CDRT4: variants seen among roughly 807,000 people sequenced by gnomAD.
CDRT4 encodes the protein CMT1A duplicated region transcript 4.
For synonymous variants in CDRT4, 64 were observed against 69.6 expected, an observed-to-expected ratio of 0.92 and a Z score of 0.40; for missense variants, 167 against 193.1, an observed-to-expected ratio of 0.87 and a Z score of 0.80.
rs1385482392 is a variant in CDRT4 at position 15,436,665 on chromosome 17, T to A, written c.*1108A>T. 2 of 152,040 alleles carry A rather than the reference T, an allele frequency of 1.3e-5. No individual in the cohort carries two copies. The highest frequency in any genetic ancestry group is 2.9e-5 in the Non-Finnish European group (2 of 68,006). 9.4% of individuals were successfully genotyped at this position (152,040 alleles called of 1,614,324 possible). On this transcript the variant is annotated 3_prime_UTR_variant, in exon 4 of 4. Coordinates refer to ENST00000619038, the MANE Select transcript of CDRT4 (RefSeq NM_001204477.2). ...TTCCACAAGGCAAACCCCAGAGAAGTACAGGGGAAAAGAGCTCTCCATTTC... is the reference window on the plus strand; with the variant it reads ...TTCCACAAGGCAAACCCCAGAGAAGAACAGGGGAAAAGAGCTCTCCATTTC...
intron 2 of CDRT4, among the ~76,000 whole-genome samples, chr17:15,451,359 T>C (rs1979253931): frequency 6.6e-6 from 1 of 152,238 alleles, no homozygotes. Flanking sequence ...CGGGTATTTC[T>C]TCATAGCAGT....
chr17:15,464,312 C>A lies in CDRT4; in HGVS notation c.-130+3148G>T, dbSNP rs143230465. Among the ~76,000 whole-genome samples, 719 of 152,224 alleles carry A rather than the reference C, an allele frequency of 4.7e-3. 10 individuals carry two copies. Among genetic ancestry groups the A allele is most frequent in the African/African-American group, 0.016 (673 of 41,526 alleles). ...TCCATACTCCAAATAGACCTTGAGC[C>A]CGTCAAAGGCAGAGACCAGCACCTG... On this transcript the variant is annotated intron_variant, in intron 1 of 3. Coordinates refer to ENST00000619038, the MANE Select transcript of CDRT4 (RefSeq NM_001204477.2). The surrounding 1 kb of genome is among the most constrained non-coding windows in gnomAD (Gnocchi z 4.5).
chr17:15,460,749 C>T (rs1359886080), intron 1 of CDRT4, among the ~76,000 whole-genome samples: 2 of 152,158 alleles, frequency 1.3e-5, no homozygotes, highest in Admixed American at 6.5e-5. Context: ...CCAGTACACA[C>T]CACTCCCCAA....
chr17:15,442,134 G>A (rs1978789765), intron 2 of CDRT4, among the ~76,000 whole-genome samples: 3 of 152,116 alleles, frequency 2.0e-5, no homozygotes, highest in Non-Finnish European at 4.4e-5. Flanking sequence ...TTCTTGGCTG[G>A]GCGCGGTAGC....
intron 2 of CDRT4, among the ~76,000 whole-genome samples, chr17:15,442,515 A>C (rs935228794): frequency 1.3e-5 from 2 of 152,000 alleles, no homozygotes; most frequent in African/African-American, 2.4e-5. Flanking sequence ...ATTTGGAGGG[A>C]TTGGGAGTCA....
intron 1 of CDRT4, among the ~76,000 whole-genome samples, chr17:15,462,427 C>CAAAA (rs55662712): frequency 1.0e-4 from 6 of 59,876 alleles, no homozygotes; most frequent in Admixed American, 2.3e-4. Flanking sequence ...GACTCCATCT[C>CAAAA]AAAAAAAAAA....
intron 1 of CDRT4, among the ~76,000 whole-genome samples, chr17:15,454,006 G>A (rs533296670): frequency 6.6e-6 from 1 of 152,304 alleles, no homozygotes. Flanking sequence ...GGATGGCAAT[G>A]TCTGCTGCAA....
intron 2 of CDRT4, chr17:15,443,789 C>T: frequency 1.9e-6 from 1 of 528,252 alleles, no homozygotes; most frequent in Non-Finnish European, 3.7e-6. Context: ...ACAAAAAAGG[C>T]TCCGGGTTGA....
chr17:15,448,503 G>A (rs1979125706), intron 2 of CDRT4, among the ~76,000 whole-genome samples: 1 of 152,164 alleles, frequency 6.6e-6, no homozygotes, highest in East Asian at 1.9e-4. Flanking sequence ...GAAAAGCTGA[G>A]GGTAAGAAGC....
intron 2 of CDRT4, chr17:15,443,635 G>A (rs1231185871): frequency 1.5e-5 from 5 of 338,562 alleles, no homozygotes; most frequent in Non-Finnish European, 2.2e-5. Flanking sequence ...TGTCTGCTGC[G>A]AGAATGAAGA....
At chr17:15,445,234 TA>T (rs1409287927) in intron 2 of CDRT4, among the ~76,000 whole-genome samples, 1 of 152,188 alleles carries the variant, frequency 6.6e-6, no homozygotes, top group Non-Finnish European at 1.5e-5. Flanking sequence ...CTCAAGATGT[TA>T]ATAGGTATTA....
chr17:15,448,981 C>T (rs1303452614), intron 2 of CDRT4, among the ~76,000 whole-genome samples: 2 of 152,230 alleles, frequency 1.3e-5, no homozygotes, highest in Non-Finnish European at 2.9e-5. Flanking sequence ...ACCACCCGTG[C>T]CTCTGTGATC....
chr17:15,454,862 C>A (rs989951564), intron 1 of CDRT4, among the ~76,000 whole-genome samples: 3 of 152,146 alleles, frequency 2.0e-5, no homozygotes, highest in African/African-American at 4.8e-5. Flanking sequence ...TGGGAAACAT[C>A]CTGCCCCATA....
In CDRT4 at chr17:15,438,173, CG is replaced by C. The variant is rs1486643545; in HGVS notation, c.58del (p.Arg20GlyfsTer21). On this transcript the variant is annotated frameshift_variant, in exon 4 of 4. Transcript: ENST00000619038. LOFTEE classifies it low-confidence loss of function (END_TRUNC). The stretch of plus-strand genomic sequence containing the variant: ...GGGGTCATGTTTTTCAAGTAGCTTC[CG>C]GGGAAGTCCAGTGTTTTCTGTGAGT... Reference protein sequence around the residue: ...EGLTENTGLPRKLLEKHDPWP... With the variant: ...EGLTENTGLPXKLLEKHDPWP... 6.8e-6 allele frequency: 11 copies of C among 1,613,858 alleles called. No individual in the cohort carries two copies. The highest frequency in any genetic ancestry group is 9.3e-6 in the Non-Finnish European group (11 of 1,179,894).
chr17:15,439,099 G>A (rs771752985), intron 3 of CDRT4: 45 of 455,848 alleles, frequency 9.9e-5, no homozygotes, highest in East Asian at 1.4e-4. Context: ...CATTAGCAAC[G>A]TCACTCTATT....
chr17:15,454,251 T>C (rs1268758010), intron 1 of CDRT4, among the ~76,000 whole-genome samples: 1 of 152,162 alleles, frequency 6.6e-6, no homozygotes, highest in Non-Finnish European at 1.5e-5. Flanking sequence ...TTATACCATC[T>C]GCTCACCAAA....
At chr17:15,465,468 G>A (rs1408684974) in intron 1 of CDRT4, among the ~76,000 whole-genome samples, 2 of 137,888 alleles carry the variant, frequency 1.5e-5, no homozygotes, top group Non-Finnish European at 3.1e-5. Flanking sequence ...CACACATAAC[G>A]GAGATACACA....
chr17:15,457,549 C>A (rs191462400), intron 1 of CDRT4, among the ~76,000 whole-genome samples: 1 of 152,198 alleles, frequency 6.6e-6, no homozygotes, highest in Non-Finnish European at 1.5e-5. Context: ...TGCCAACTGC[C>A]GTAAACCTGT....
intron 2 of CDRT4, among the ~76,000 whole-genome samples, chr17:15,451,102 G>A (rs1438836389): frequency 6.6e-6 from 1 of 152,152 alleles, no homozygotes; most frequent in Non-Finnish European, 1.5e-5. Flanking sequence ...GTTGTGGGAG[G>A]GACCTGGTGG....
Sources: allele counts gnomAD v4.1 joint callset (sites outside exome capture counted in the v4.1 genomes callset), GRCh38; gene constraint gnomAD v4.1.1; non-coding constraint Gnocchi (gnomAD v3.1); transcripts MANE v1.5; gene names NCBI Gene and HGNC (gene_info 2026-07-23, HGNC 2026-07-21).